Variants in MYO15A observed in about 807,000 individuals in gnomAD.
MYO15A encodes myosin XVA, also known as unconventional myosin-XV.
Under a neutral mutation model 394.6 loss-of-function variants are expected in MYO15A, and 308 were observed. The ratio of observed to expected loss-of-function variants is 0.78; its 90% CI spans 0.71 to 0.86. MYO15A has a LOEUF of 0.86. MYO15A is among the 40% of genes least tolerant of loss of function. MYO15A has a pLI of 0.00. For synonymous variants in MYO15A, 1,957 were observed against 2,003.8 expected (o/e 0.98, Z 0.62); for missense variants, 4,606 against 4,799.1 (o/e 0.96, Z 1.19).
At chr17:18,142,945 TTCTGCC>T in intron 25 of MYO15A, 105 bp downstream of exon 25, 1 of 1,045,986 alleles carries the variant, frequency 9.6e-7, no homozygotes, top group Non-Finnish European at 1.5e-6. Flanking sequence ...TGGGTTCAAA[TTCTGCC>T]TCTGCCACCC....
At chr17:18,115,384 C>T (rs1489805622) in intron 1 of MYO15A, among the ~76,000 whole-genome samples, 4 of 152,056 alleles carry the variant, frequency 2.6e-5, no homozygotes, top group African/African-American at 4.8e-5. Context: ...TTTGGGAGGT[C>T]GAGGCAGGCA....
In MYO15A at chr17:18,179,001, G is replaced by A. The variant is rs768756336; in HGVS notation, c.*131G>A. On this transcript the variant is annotated 3_prime_UTR_variant, in exon 66 of 66. Coordinates refer to ENST00000647165, the MANE Select transcript of MYO15A (RefSeq NM_016239.4). ...CTTGGAGGACACTAAGAGGAGGCAG[G>A]AGGAGCAACTCAAATCCCCAAGAAC... The A allele has an allele frequency of 1.8e-5, 16 of 887,650 alleles. No homozygotes were observed. The highest frequency in any genetic ancestry group is 2.3e-5 in the Non-Finnish European group (13 of 557,356). The allele number at this position is 887,650 out of a possible 1,614,324, so 55.0% of individuals were successfully genotyped here. A position where few individuals can be genotyped will look rare whatever the true frequency, so the allele number is the denominator to read the frequency against.
intron 35 of MYO15A, 181 bp downstream of exon 35, chr17:18,149,761 C>T (rs1400952989): frequency 1.0e-5 from 7 of 684,322 alleles, no homozygotes; most frequent in Middle Eastern, 3.9e-4. Flanking sequence ...GCTAGAGATG[C>T]TCTTGGCTGA....
At chr17:18,141,992 C>T (rs1256552174) in intron 23 of MYO15A, 87 bp from the exon 24 acceptor site, 1 of 1,534,338 alleles carries the variant, frequency 6.5e-7, no homozygotes, top group Non-Finnish European at 8.9e-7. Context: ...CCTGCCTATT[C>T]TGTCTCCACG....
Position 18,121,033 on chromosome 17 carries a change from T to C in MYO15A, c.2233T>C (p.Phe745Leu), listed in dbSNP as rs2045915209. ...LLAFPGPRPS[F>L]RGSRRRGAAF... ...AGCCTTCCCAGGGCCCCGACCCTCG[T>C]TCAGGGGCTCCCGCCGGAGAGGGGC... is the stretch of plus-strand genomic sequence containing the variant. The change falls in exon 2 of 66, where the codon TTC becomes CTC. Residue 745 changes from phenylalanine to leucine, a missense_variant. Transcript: ENST00000647165. The surrounding 1 kb of genome is among the most constrained non-coding windows in gnomAD (Gnocchi z 5.3). 2 of 1,509,618 alleles carry C rather than the reference T, an allele frequency of 1.3e-6. No homozygotes were observed. Among genetic ancestry groups the C allele is most frequent in the Non-Finnish European group, 1.8e-6 (2 of 1,133,702 alleles). The allele number at this position is 1,509,618 out of a possible 1,614,324, so 93.5% of individuals were successfully genotyped here. A position where few individuals can be genotyped will look rare whatever the true frequency, so the allele number is the denominator to read the frequency against.
intron 64 of MYO15A, chr17:18,172,558 A>T: frequency 3.8e-6 from 2 of 521,340 alleles, no homozygotes; most frequent in South Asian, 4.0e-5. Flanking sequence ...CTGTGTGCTT[A>T]GGCTGCCATA....
chr17:18,165,367 A>G (rs1245499030), intron 60 of MYO15A, among the ~76,000 whole-genome samples: 1 of 152,218 alleles, frequency 6.6e-6, no homozygotes, highest in East Asian at 1.9e-4. Flanking sequence ...TCTAGGGAAT[A>G]ATTTGTTTCC....
intron 40 of MYO15A, 54 bp from the exon 41 acceptor site, chr17:18,151,792 T>G: frequency 4.0e-6 from 6 of 1,495,746 alleles, no homozygotes; most frequent in Non-Finnish European, 5.5e-6. Flanking sequence ...TCAAACTATG[T>G]GATGGGAAAG....
Position 18,167,646 on chromosome 17 carries a change from C to T in MYO15A, c.10005C>T (p.Ser3335=), listed in dbSNP as rs751601405. The T allele has an allele frequency of 9.4e-6, 15 of 1,604,036 alleles. No individual in the cohort carries two copies. Among genetic ancestry groups the T allele is most frequent in the South Asian group, 4.4e-5 (4 of 91,088 alleles). The part of the protein sequence containing the change: ...LFSSVPASRP[S]EQLLQQVSKL... ...GCAGTGTGCCGGCCAGCCGGCCCAG[C>T]GAGCAGCTGCTGCAGCAGGTGTCCA... Residue 3335 remains serine, a synonymous_variant, in exon 62 of 66, where the codon AGC becomes AGT. Coordinates refer to ENST00000647165, the MANE Select transcript of MYO15A (RefSeq NM_016239.4).
rs2142254274 is a variant in MYO15A at position 18,121,174 on chromosome 17, T to A, written c.2374T>A (p.Leu792Met). ...SSPGLGYCSP[L>M]APPSPQLSLR... ...GCCGGGCCTCGGCTACTGCTCACCCTTGGCGCCCCCGTCGCCTCAGCTGTC... is the reference window on the plus strand; with the variant it reads ...GCCGGGCCTCGGCTACTGCTCACCCATGGCGCCCCCGTCGCCTCAGCTGTC... The change falls in exon 2 of 66, where the codon TTG (leucine) becomes ATG (methionine). Residue 792 changes from leucine (L) to methionine (M), a missense_variant. Coordinates refer to ENST00000647165, the MANE Select transcript of MYO15A (RefSeq NM_016239.4). The surrounding 1 kb of genome is among the most constrained non-coding windows in gnomAD (Gnocchi z 5.3). 2 of 1,515,782 alleles carry A rather than the reference T, an allele frequency of 1.3e-6. No homozygotes were observed. Among genetic ancestry groups the A allele is most frequent in the Non-Finnish European group, 8.8e-7 (1 of 1,139,292 alleles). The allele number at this position is 1,515,782 out of a possible 1,614,324, so 93.9% of individuals were successfully genotyped here. A position where few individuals can be genotyped will look rare whatever the true frequency, so the allele number is the denominator to read the frequency against.
intron 65 of MYO15A, among the ~76,000 whole-genome samples, chr17:18,176,413 G>T (rs574269570): frequency 1.3e-5 from 2 of 152,034 alleles, no homozygotes; most frequent in East Asian, 3.9e-4. Flanking sequence ...TTAGAGTGAG[G>T]ACTCACTCAT....
Position 18,166,494 on chromosome 17 carries a change from G to A in MYO15A, c.9921G>A (p.Glu3307=), listed in dbSNP as rs1567663639. 4.3e-6 allele frequency: 7 copies of A among 1,613,688 alleles called. No homozygotes were observed. Among genetic ancestry groups the A allele is most frequent in the Non-Finnish European group, 5.9e-6 (7 of 1,180,046 alleles). The change falls in exon 61 of 66, where the codon GAG becomes GAA. Residue 3307 remains glutamate, a synonymous_variant. Transcript: ENST00000647165. ...LWDQPLKFEN[E]LYVTMHYNQV... is the part of the protein sequence containing the mutation. Reference sequence around the variant, plus strand: ...ATCAGCCACTCAAGTTCGAGAATGAGCTATATGTGACCATGCACTACAACC... The same window carrying A: ...ATCAGCCACTCAAGTTCGAGAATGAACTATATGTGACCATGCACTACAACC...
chr17:18,155,671 C>G lies in MYO15A; in HGVS notation c.8459+239C>G, dbSNP rs559218575. On this transcript the variant is annotated intron_variant, in intron 47 of 65. Coordinates refer to ENST00000647165, the MANE Select transcript of MYO15A (RefSeq NM_016239.4). Reference sequence around the variant, plus strand: ...AGGCACCCACTCCCCTGCCCTCCCCCCAACCTGCACAGCAGCAGCACTGTG... The same window carrying G: ...AGGCACCCACTCCCCTGCCCTCCCCGCAACCTGCACAGCAGCAGCACTGTG... 1.8e-4 allele frequency among the ~76,000 whole-genome samples: 28 copies of G among 152,312 alleles called. No homozygotes were observed. In the South Asian group the frequency reaches 1.9e-3, roughly 10 times the overall value.
At position 18,135,785 on chromosome 17, in the gene MYO15A, C is replaced by T; in HGVS notation, c.4557C>T (p.Ser1519=). ...IQAVAELLQI[S]PEGLQKAITF... ...CCGTGGCAGAGCTGCTGCAGATCTC[C>T]CCTGAGGGCCTGCAGAAGGCCATCA... The change falls in exon 13 of 66, where the codon TCC becomes TCT. Residue 1519 remains serine (S), a synonymous_variant. Coordinates refer to ENST00000647165, the MANE Select transcript of MYO15A (RefSeq NM_016239.4). 2 of 1,614,128 alleles carry T rather than the reference C, an allele frequency of 1.2e-6. No individual in the cohort carries two copies. The highest frequency in any genetic ancestry group is 1.7e-6 in the Non-Finnish European group (2 of 1,180,012).
chr17:18,154,327 T>C, intron 44 of MYO15A, 137 bp downstream of exon 44: 2 of 1,010,586 alleles, frequency 2.0e-6, no homozygotes, highest in Non-Finnish European at 1.5e-6. Context: ...GCAGCTGTTT[T>C]ATTGAATCTC....
intron 12 of MYO15A, among the ~76,000 whole-genome samples, chr17:18,134,806 G>C (rs1229383596): frequency 6.6e-6 from 1 of 152,208 alleles, no homozygotes; most frequent in African/African-American, 2.4e-5. Context: ...AATTCCAGAC[G>C]TTCTATTGTG....
chr17:18,136,430 A>C lies in MYO15A; in HGVS notation c.4610A>C (p.Glu1537Ala). 6.2e-7 allele frequency: 1 copy of C among 1,613,824 alleles called. No individual in the cohort carries two copies. Among genetic ancestry groups the C allele is most frequent in the Non-Finnish European group, 8.5e-7 (1 of 1,180,030 alleles). ...GCCCGTCCCTAGGAGACAATGCGAG[A>C]GAAGATCTTCACGCCCCTAACTGTG... ...ITFKVTETMREKIFTPLTVES... is the reference protein window; with the variant it reads ...ITFKVTETMRAKIFTPLTVES... The change falls in exon 14 of 66, where the codon GAG becomes GCG. Residue 1537 changes from glutamate to alanine, a missense_variant. By Grantham distance (107) the Glu-to-Ala change is moderately radical (BLOSUM62 -1). This residue lies in a region of MYO15A where 2,776 missense variants were observed against 3,109.3 expected (regional missense o/e 0.89). Coordinates refer to ENST00000647165, the MANE Select transcript of MYO15A (RefSeq NM_016239.4).
chr17:18,142,079 C>T lies in MYO15A; in HGVS notation c.5650C>T (p.Leu1884=). 6.2e-7 allele frequency: 1 copy of T among 1,612,426 alleles called. No homozygotes were observed. The highest frequency in any genetic ancestry group is 8.5e-7 in the Non-Finnish European group (1 of 1,179,990). Reference sequence around the variant, plus strand: ...CTCAGTGCCTTCCTCCTGTCCTTAGCTGTTCCTTAAGGAACACCTATACCA... The same window carrying T: ...CTCAGTGCCTTCCTCCTGTCCTTAGTTGTTCCTTAAGGAACACCTATACCA... The part of the protein sequence containing the change: ...PNMYRVGVSK[L]FLKEHLYQLL... Residue 1884 remains leucine, a splice_region_variant and synonymous_variant, in exon 24 of 66, where the codon CTG becomes TTG. Transcript: ENST00000647165.
At chr17:18,111,755 G>T (rs1054124296) in intron 1 of MYO15A, among the ~76,000 whole-genome samples, 1 of 152,220 alleles carries the variant, frequency 6.6e-6, no homozygotes, top group African/African-American at 2.4e-5. Flanking sequence ...AATGACGTTG[G>T]CAGTCATAAC....
Sources: gnomAD v4.1 joint callset for allele counts (sites outside exome capture counted in the v4.1 genomes callset) on GRCh38, gnomAD v4.1.1 for gene constraint, gnomAD v4.1.1 regional missense constraint, Gnocchi (gnomAD v3.1) non-coding constraint, MANE v1.5 for transcripts, NCBI Gene and HGNC (gene_info 2026-07-23, HGNC 2026-07-21) for gene names.